Variants in GAL3ST2 observed in about 807,000 individuals in gnomAD.
The protein encoded by GAL3ST2 is galactose-3-O-sulfotransferase 2.
GAL3ST2 carries 16 observed loss-of-function variants against 12.9 expected under a neutral mutation model. That is an observed-to-expected ratio of 1.24 (90% CI 0.84 to 1.88). The LOEUF (loss-of-function observed/expected upper bound fraction) is 1.88, where lower values mean the gene tolerates loss of function less well. Ranked by LOEUF, GAL3ST2 falls within the 40% of genes most tolerant of loss-of-function variation. The probability of loss-of-function intolerance (pLI) is 0.00; values close to 1 mark genes in which losing one functional copy is unlikely to be tolerated. For missense variants in GAL3ST2, 639 were observed against 571.8 expected (o/e 1.12, Z -1.20); for synonymous variants, 302 against 273.9 (o/e 1.10, Z -1.01).
intron 1 of GAL3ST2, among the ~76,000 whole-genome samples, chr2:241,779,615 C>T (rs1287033963): frequency 2.6e-5 from 4 of 151,680 alleles, no homozygotes; most frequent in Non-Finnish European, 4.4e-5. Context: ...AAAACAACAA[C>T]AAAGAAAAGA....
intron 3 of GAL3ST2, among the ~76,000 whole-genome samples, chr2:241,803,110 C>A (rs1004040672): frequency 6.6e-6 from 1 of 152,216 alleles, no homozygotes. Context: ...TCCTGGCGTC[C>A]TTGGCCTCTG....
rs1018000102 is a variant in GAL3ST2, at chr2:241,779,536, G to A, written c.29+2552G>A. Reference sequence around the variant, plus strand: ...GCGTGAGCCACCGTGCCCGGCCCTGGGAAGTTCATTTTTTAGCAGGTTGTG... The same window carrying A: ...GCGTGAGCCACCGTGCCCGGCCCTGAGAAGTTCATTTTTTAGCAGGTTGTG... On this transcript the variant is annotated intron_variant, in intron 1 of 3. Transcript: ENST00000192314. Among the ~76,000 whole-genome samples the A allele has an allele frequency of 6.6e-5, 10 of 151,280 alleles. No individual in the cohort carries two copies. The East Asian group carries it at 1.6e-3, about 24-fold the overall frequency.
At chr2:241,789,942 G>A (rs1253244235) in intron 1 of GAL3ST2, among the ~76,000 whole-genome samples, 4 of 84,120 alleles carry the variant, frequency 4.8e-5, no homozygotes, top group Admixed American at 1.3e-4. Flanking sequence ...GTAAATGAGA[G>A]ACTGAGTTAT....
intron 1 of GAL3ST2, among the ~76,000 whole-genome samples, chr2:241,788,950 CAAAT>C (rs1699660491): frequency 1.3e-5 from 2 of 152,136 alleles, no homozygotes; most frequent in Non-Finnish European, 2.9e-5. Context: ...AAGTGGGAAA[CAAAT>C]AATCCAAGAA....
In GAL3ST2 at chr2:241,801,586, A is replaced by G; in HGVS notation, c.120-195A>G. 1 of 649,592 alleles carries G rather than the reference A, an allele frequency of 1.5e-6. No homozygotes were observed. Among genetic ancestry groups the G allele is most frequent in the East Asian group, 2.8e-5 (1 of 35,230 alleles). 40.2% of individuals were successfully genotyped at this position (649,592 alleles called of 1,614,324 possible). ...AGTTGGGGGAGTTTGTGTTCGGGCC[A>G]CCAGCTGGGAGGTTGTGGAGTGGGG... On this transcript the variant is annotated intron_variant, in intron 2 of 3. Coordinates refer to ENST00000192314, the MANE Select transcript of GAL3ST2 (RefSeq NM_022134.3). The surrounding 1 kb of genome is among the most constrained non-coding windows in gnomAD (Gnocchi z 4.4).
intron 2 of GAL3ST2, 85 bp downstream of exon 2, chr2:241,799,239 G>GC (rs950754723): frequency 1.2e-4 from 140 of 1,171,988 alleles, no homozygotes; most frequent in Admixed American, 1.2e-4. Flanking sequence ...GCATGATCAC[G>GC]CCCCCCACTG....
In GAL3ST2 at chr2:241,795,020, G is replaced by T. The variant is rs1251346970; in HGVS notation, c.30-4045G>T. Among the ~76,000 whole-genome samples, 1 of 152,102 alleles carries T rather than the reference G, an allele frequency of 6.6e-6. No homozygotes were observed. Among genetic ancestry groups the T allele is most frequent in the Non-Finnish European group, 1.5e-5 (1 of 68,018 alleles). On this transcript the variant is annotated intron_variant, in intron 1 of 3. Transcript: ENST00000192314. This position sits in a 1 kb window ranked among gnomAD's most constrained non-coding sequence, Gnocchi z 4.5. ...GCTGGTTTCTAGTAAATTCCCAGTA[G>T]TGCAGCCACAGGCTCTCCTTAAAGA...
intron 1 of GAL3ST2, among the ~76,000 whole-genome samples, chr2:241,780,122 T>C (rs1016430210): frequency 1.3e-4 from 20 of 152,242 alleles, no homozygotes; most frequent in Admixed American, 1.3e-4. Flanking sequence ...TGAAGACTTG[T>C]AGCCAAGAAA....
chr2:241,784,515 A>G (rs1291724231), intron 1 of GAL3ST2, among the ~76,000 whole-genome samples: 1 of 152,228 alleles, frequency 6.6e-6, no homozygotes, highest in Non-Finnish European at 1.5e-5. Context: ...AGACATTTCT[A>G]GTATTATTTT....
In GAL3ST2 at chr2:241,803,634, G is replaced by T; in HGVS notation, c.665G>T (p.Arg222Leu). The part of the protein sequence containing the change: ...ARIAEVERRF[R>L]LVLIAEHLDE... ...ATCGCCGAGGTGGAGCGGCGCTTCC[G>T]GCTGGTGCTCATCGCCGAGCACCTG... is the stretch of plus-strand genomic sequence containing the variant. Residue 222 changes from arginine (R) to leucine (L), a missense_variant, in exon 4 of 4, where the codon CGG becomes CTG. Arg to Leu is a moderately radical substitution (Grantham distance 102). Coordinates refer to ENST00000192314, the MANE Select transcript of GAL3ST2 (RefSeq NM_022134.3). The T allele has an allele frequency of 6.4e-7, 1 of 1,553,290 alleles. No individual in the cohort carries two copies. The highest frequency in any genetic ancestry group is 8.7e-7 in the Non-Finnish European group (1 of 1,148,118).
chr2:241,782,208 GAAAC>G (rs1699574897), intron 1 of GAL3ST2, among the ~76,000 whole-genome samples: 1 of 152,202 alleles, frequency 6.6e-6, no homozygotes, highest in Non-Finnish European at 1.5e-5. Flanking sequence ...AATTTATAGA[GAAAC>G]AACTTATTTT....
chr2:241,803,996 C>T lies in GAL3ST2; in HGVS notation c.1027C>T (p.Gln343Ter). The T allele has an allele frequency of 6.4e-7, 1 of 1,562,908 alleles. No homozygotes were observed. The highest frequency in any genetic ancestry group is 8.6e-7 in the Non-Finnish European group (1 of 1,157,188). ...CAGAGACCCGCGCCTGCGCCCCTAC[C>T]AGTCCGGCAAGGCCGACATCCTGGG... ...QIRDPRLRPY[Q>*]SGKADILGYN... is the part of the protein sequence containing the mutation. The change falls in exon 4 of 4, where the codon CAG becomes TAG. Residue 343 changes from glutamine to a stop codon, truncating the protein, a stop_gained. Transcript: ENST00000192314. LOFTEE classifies it low-confidence loss of function (END_TRUNC).
chr2:241,801,491 T>G lies in GAL3ST2; in HGVS notation c.120-290T>G. The stretch of plus-strand genomic sequence containing the variant: ...GGGTCTGGGGTCCCCTTGGCCAAGA[T>G]GGGGTTCATTTAGGGTTTTATTTTT... On this transcript the variant is annotated intron_variant, in intron 2 of 3. Coordinates refer to ENST00000192314, the MANE Select transcript of GAL3ST2 (RefSeq NM_022134.3). This position sits in a 1 kb window ranked among gnomAD's most constrained non-coding sequence, Gnocchi z 4.4. 8.3e-5 allele frequency: 37 copies of G among 448,278 alleles called. No homozygotes were observed. The highest frequency in any genetic ancestry group is 1.0e-4 in the Non-Finnish European group (26 of 250,052). 27.8% of individuals were successfully genotyped at this position (448,278 alleles called of 1,614,324 possible).
intron 1 of GAL3ST2, among the ~76,000 whole-genome samples, chr2:241,786,490 G>C (rs1408777603): frequency 6.6e-6 from 1 of 151,838 alleles, no homozygotes; most frequent in Non-Finnish European, 1.5e-5. Context: ...TTAGAAGCAG[G>C]AAAAAAAGAA....
Position 241,799,169 on chromosome 2 carries a change from C to T in GAL3ST2, c.119+15C>T. On this transcript the variant is annotated intron_variant, in intron 2 of 3. Coordinates refer to ENST00000192314, the MANE Select transcript of GAL3ST2 (RefSeq NM_022134.3). ...CTGGACACACCGTAAGTCCTGCCCC[C>T]ACCATAAGTCCTGCCCCGGGTACCT... 6.2e-7 allele frequency: 1 copy of T among 1,610,210 alleles called. No individual in the cohort carries two copies. The highest frequency in any genetic ancestry group is 8.5e-7 in the Non-Finnish European group (1 of 1,176,904).
Position 241,804,214 on chromosome 2 carries a change from TCCG to T in GAL3ST2, c.*52_*54del. 7.4e-7 allele frequency: 1 copy of T among 1,342,398 alleles called. No individual in the cohort carries two copies. The highest frequency in any genetic ancestry group is 9.7e-7 in the Non-Finnish European group (1 of 1,034,414). 83.2% of individuals were successfully genotyped at this position (1,342,398 alleles called of 1,614,324 possible). On this transcript the variant is annotated 3_prime_UTR_variant, in exon 4 of 4. Coordinates refer to ENST00000192314, the MANE Select transcript of GAL3ST2 (RefSeq NM_022134.3). ...CCTCCTGCGGACACCAGCTCCTCTC[TCCG>T]CCGTCACCGGGGAGGCCGGGGATCC...
At chr2:241,788,779 C>T (rs887056938) in intron 1 of GAL3ST2, among the ~76,000 whole-genome samples, 2 of 152,146 alleles carry the variant, frequency 1.3e-5, no homozygotes, top group African/African-American at 4.8e-5. Flanking sequence ...TTTGAGCCCT[C>T]TCTGAGGTCA....
intron 1 of GAL3ST2, among the ~76,000 whole-genome samples, chr2:241,779,854 T>A (rs1403892780): frequency 6.6e-6 from 1 of 151,816 alleles, no homozygotes; most frequent in Non-Finnish European, 1.5e-5. Flanking sequence ...GGCATGGTGG[T>A]GCATGCCTGT....
chr2:241,792,100 G>A (rs1222139059), intron 1 of GAL3ST2, among the ~76,000 whole-genome samples: 2 of 148,228 alleles, frequency 1.3e-5, no homozygotes, highest in South Asian at 2.1e-4. Flanking sequence ...TGCAACCTCT[G>A]CCTCCTGGGT....
Sources: gnomAD v4.1 joint callset for allele counts (sites outside exome capture counted in the v4.1 genomes callset) on GRCh38, gnomAD v4.1.1 for gene constraint, Gnocchi (gnomAD v3.1) non-coding constraint, MANE v1.5 for transcripts, NCBI Gene and HGNC (gene_info 2026-07-23, HGNC 2026-07-21) for gene names.